Variants in MRPS27 observed in about 807,000 individuals in gnomAD.
MRPS27 encodes small ribosomal subunit protein mS27.
In MRPS27, 43 loss-of-function variants were observed where a neutral mutation model predicts 48.9. The observed-to-expected ratio is 0.88, with a 90% CI of 0.69 to 1.13. The LOEUF (loss-of-function observed/expected upper bound fraction) is 1.13. Among genes scored for constraint, MRPS27 ranks in the 50% most tolerant of loss-of-function variants. The probability of loss-of-function intolerance (pLI) is 0.00; values close to 1 mark genes in which losing one functional copy is unlikely to be tolerated. For missense variants in MRPS27, 467 were observed against 476.3 expected (o/e 0.98, Z 0.18); for synonymous variants, 188 against 171.9 (o/e 1.09, Z -0.73).
At chr5:72,256,136 C>G (rs1163243912) in intron 4 of MRPS27, among the ~76,000 whole-genome samples, 2 of 152,188 alleles carry the variant, frequency 1.3e-5, no homozygotes, top group African/African-American at 4.8e-5. Context: ...TTTTGATAAT[C>G]AAATGTCACC....
chr5:72,298,107 G>A (rs1750027235), intron 2 of MRPS27, among the ~76,000 whole-genome samples: 1 of 152,150 alleles, frequency 6.6e-6, no homozygotes, highest in Non-Finnish European at 1.5e-5. Flanking sequence ...TACAGAATGG[G>A]AGAAAATATT....
chr5:72,277,436 T>G (rs1288138240), intron 4 of MRPS27, among the ~76,000 whole-genome samples: 2 of 152,020 alleles, frequency 1.3e-5, no homozygotes, highest in African/African-American at 2.4e-5. Context: ...AAACCCCGTC[T>G]CTACTAAAAA....
intron 4 of MRPS27, among the ~76,000 whole-genome samples, chr5:72,251,482 G>A (rs1021906056): frequency 3.3e-5 from 5 of 152,208 alleles, no homozygotes; most frequent in African/African-American, 1.2e-4. Flanking sequence ...TACCTATCAT[G>A]TTTTGCTCTT....
At chr5:72,248,980 G>C (rs907471415) in intron 4 of MRPS27, among the ~76,000 whole-genome samples, 1 of 152,188 alleles carries the variant, frequency 6.6e-6, no homozygotes, top group Non-Finnish European at 1.5e-5. Flanking sequence ...CACTGAGTTC[G>C]AAGGGGTGGG....
chr5:72,221,824 A>G (rs979960748), intron 10 of MRPS27, among the ~76,000 whole-genome samples: 18 of 152,178 alleles, frequency 1.2e-4, no homozygotes, highest in African/African-American at 4.3e-4. Context: ...ACTGCAGGTC[A>G]GTCTTTATGT....
At chr5:72,241,597 C>A in intron 4 of MRPS27, 2 of 1,496,622 alleles carry the variant, frequency 1.3e-6, no homozygotes, top group Non-Finnish European at 1.8e-6. Context: ...GACTTTTCAA[C>A]TTCCAGTAGT....
At chr5:72,289,724 T>A (rs1415325012) in intron 4 of MRPS27, among the ~76,000 whole-genome samples, 1 of 152,174 alleles carries the variant, frequency 6.6e-6, no homozygotes, top group Admixed American at 6.5e-5. Flanking sequence ...TAAAAAAAAA[T>A]TTACATCCTT....
chr5:72,302,655 G>C (rs1457787402), intron 2 of MRPS27, among the ~76,000 whole-genome samples: 1 of 152,224 alleles, frequency 6.6e-6, no homozygotes, highest in East Asian at 1.9e-4. Flanking sequence ...AGGCAAGATG[G>C]AAACATGAAC....
In MRPS27 at chr5:72,242,388, C is replaced by A. The variant is rs2111968315; in HGVS notation, c.282-4260G>T. Among the ~76,000 whole-genome samples the A allele has an allele frequency of 1.5e-5, 2 of 134,426 alleles. 1 individual carries two copies. 88.2% of individuals were successfully genotyped at this position (134,426 alleles called of 152,430 possible). On this transcript the variant is annotated intron_variant, in intron 4 of 10. Transcript: ENST00000261413. ...AAAGTCTTGGATATCACAGAGATTT[C>A]TTAGAAGGGAAGAGAGGTTATATAA...
intron 10 of MRPS27, 134 bp downstream of exon 10, chr5:72,223,549 A>G (rs1747809562): frequency 1.8e-6 from 2 of 1,130,470 alleles, no homozygotes; most frequent in Non-Finnish European, 2.5e-6. Context: ...CAAAGCAATA[A>G]AAATGTAATT....
At chr5:72,252,227 C>T (rs1748686041) in intron 4 of MRPS27, among the ~76,000 whole-genome samples, 2 of 152,130 alleles carry the variant, frequency 1.3e-5, no homozygotes, top group Non-Finnish European at 2.9e-5. Context: ...TTTCACATTC[C>T]CATGCAACCA....
intron 4 of MRPS27, among the ~76,000 whole-genome samples, chr5:72,276,093 C>T (rs1473995606): frequency 6.6e-6 from 1 of 151,896 alleles, no homozygotes; most frequent in Non-Finnish European, 1.5e-5. Flanking sequence ...GAAACCTTAT[C>T]ATATCCCACA....
chr5:72,270,125 G>A lies in MRPS27; in HGVS notation c.281+25406C>T, dbSNP rs548907509. ...GGAGAATCTCTTGAACCCAGGAGGC[G>A]GAGGTTACAGTGAGCTGAGATTGCA... On this transcript the variant is annotated intron_variant, in intron 4 of 10. Transcript: ENST00000261413. Among the ~76,000 whole-genome samples the A allele has an allele frequency of 1.9e-4, 29 of 150,812 alleles. No homozygotes were observed. The East Asian group carries it at 5.3e-3, about 27-fold the overall frequency.
At chr5:72,267,504 T>C (rs577986911) in intron 4 of MRPS27, among the ~76,000 whole-genome samples, 150 of 152,326 alleles carry the variant, frequency 9.8e-4, no homozygotes, top group South Asian at 5.0e-3. Context: ...AAACAATGTA[T>C]GAACAGAGAA....
chr5:72,249,595 G>T (rs1018780223), intron 4 of MRPS27, among the ~76,000 whole-genome samples: 1 of 152,134 alleles, frequency 6.6e-6, no homozygotes, highest in Non-Finnish European at 1.5e-5. Context: ...TGAGGCAGGA[G>T]AATCACTTGA....
intron 2 of MRPS27, among the ~76,000 whole-genome samples, chr5:72,306,331 C>A (rs1048987848): frequency 2.0e-5 from 3 of 152,286 alleles, no homozygotes; most frequent in Admixed American, 2.0e-4. Flanking sequence ...CGCAGAGGGG[C>A]AATCAAATGC....
chr5:72,299,079 G>A (rs995066313), intron 2 of MRPS27, among the ~76,000 whole-genome samples: 1 of 152,038 alleles, frequency 6.6e-6, no homozygotes, highest in Non-Finnish European at 1.5e-5. Context: ...GGGTATACAC[G>A]GACATAAATA....
intron 2 of MRPS27, among the ~76,000 whole-genome samples, chr5:72,311,122 G>A (rs1750432117): frequency 6.6e-6 from 1 of 152,206 alleles, no homozygotes; most frequent in Non-Finnish European, 1.5e-5. Flanking sequence ...TGCTATGAGA[G>A]ACCCTATTAT....
At position 72,220,910 on chromosome 5, in the gene MRPS27, T is replaced by C. The variant is rs186899700; in HGVS notation, c.1244A>G (p.Ter415=). ...QAQKAAKASA[*] ...CAGGTGGGGCCCTGGGGGACCCTAT[T>C]AGGCAGATGCCTTTGCTGCTTTCTG... The change falls in exon 11 of 11, where the codon TAA becomes TGA. Residue 415 remains the stop codon, a stop_retained_variant. Coordinates refer to ENST00000261413, the MANE Select transcript of MRPS27 (RefSeq NM_015084.3). The C allele has an allele frequency of 6.2e-7, 1 of 1,614,020 alleles. No homozygotes were observed. Among genetic ancestry groups the C allele is most frequent in the South Asian group, 1.1e-5 (1 of 91,086 alleles).
Sources: gnomAD v4.1 joint callset for allele counts (sites outside exome capture counted in the v4.1 genomes callset) on GRCh38, gnomAD v4.1.1 for gene constraint, MANE v1.5 for transcripts, NCBI Gene and HGNC (gene_info 2026-07-23, HGNC 2026-07-21) for gene names.